REDIC1: variants seen among roughly 807,000 people sequenced by gnomAD.
REDIC1 encodes regulator of DNA class I crossover intermediates 1.
chr12:39,720,817 C>T, the REDIC1 span: 2 of 1,611,242 alleles, frequency 1.2e-6, no homozygotes, highest in East Asian at 4.5e-5. Context: ...AATATCACAG[C>T]AAATTGAAGA....
At chr12:39,626,371 A>G in the REDIC1 span, 1 of 1,614,122 alleles carries the variant, frequency 6.2e-7, no homozygotes, top group Non-Finnish European at 8.5e-7. Flanking sequence ...TAAGTTGTGC[A>G]GCTGGAGTTT....
the REDIC1 span, among the ~76,000 whole-genome samples, chr12:39,693,640 A>G: frequency 6.6e-6 from 1 of 152,092 alleles, no homozygotes; most frequent in Non-Finnish European, 1.5e-5. Context: ...CTTCATCCTT[A>G]TGACCATTTA....
chr12:39,875,380 G>T, the REDIC1 span, among the ~76,000 whole-genome samples: 2 of 152,136 alleles, frequency 1.3e-5, no homozygotes, highest in African/African-American at 4.8e-5. Flanking sequence ...TGCCTCCCTT[G>T]TGACTATATT....
the REDIC1 span, among the ~76,000 whole-genome samples, chr12:39,710,053 A>T: frequency 4.0e-5 from 6 of 151,870 alleles, no homozygotes; most frequent in Non-Finnish European, 7.4e-5. Flanking sequence ...TTTGATATAG[A>T]TCTTTTTAAA....
the REDIC1 span, among the ~76,000 whole-genome samples, chr12:39,832,053 T>G: frequency 6.6e-6 from 1 of 152,182 alleles, no homozygotes; most frequent in Non-Finnish European, 1.5e-5. Context: ...GTCACCCCTA[T>G]TTTTGAATGA....
At chr12:39,759,537 G>A in the REDIC1 span, 1 of 152,960 alleles carries the variant, frequency 6.5e-6, no homozygotes, top group African/African-American at 2.4e-5. Context: ...AATTTAGTTT[G>A]TAACAGCTGA....
chr12:39,772,042 G>A, the REDIC1 span, among the ~76,000 whole-genome samples: 4 of 151,986 alleles, frequency 2.6e-5, no homozygotes, highest in Non-Finnish European at 2.9e-5. Flanking sequence ...TCACCTGTCC[G>A]AGATATTCTC....
chr12:39,711,449 A>ATG, the REDIC1 span, among the ~76,000 whole-genome samples: 1 of 47,608 alleles, frequency 2.1e-5, no homozygotes, highest in Non-Finnish European at 6.6e-5. Context: ...GTGTGTACAT[A>ATG]TATACACATA....
chr12:39,896,405 CATAT>C, the REDIC1 span, among the ~76,000 whole-genome samples: 43 of 110,418 alleles, frequency 3.9e-4, 1 homozygote, highest in African/African-American at 1.3e-3. Flanking sequence ...TATATGTATA[CATAT>C]ATGTATGTAT....
the REDIC1 span, among the ~76,000 whole-genome samples, chr12:39,850,787 TA>T: frequency 1.3e-5 from 2 of 152,222 alleles, no homozygotes; most frequent in Non-Finnish European, 2.9e-5. Context: ...TTCAAATGTT[TA>T]TTATATCACA....
chr12:39,860,310 G>T, the REDIC1 span, among the ~76,000 whole-genome samples: 1 of 152,192 alleles, frequency 6.6e-6, no homozygotes, highest in South Asian at 2.1e-4. Context: ...TCTATGCTGG[G>T]ATTAAAAGCC....
chr12:39,703,955 C>T, the REDIC1 span, among the ~76,000 whole-genome samples: 3 of 152,236 alleles, frequency 2.0e-5, no homozygotes, highest in East Asian at 3.9e-4. Context: ...AAACGTTAGA[C>T]CTAAAACCAT....
the REDIC1 span, among the ~76,000 whole-genome samples, chr12:39,893,803 T>G: frequency 6.6e-6 from 1 of 152,258 alleles, no homozygotes; most frequent in African/African-American, 2.4e-5. Flanking sequence ...CAATTTACTT[T>G]AAGCCCACAA....
At chr12:39,760,128 T>C in the REDIC1 span, 3 of 1,613,018 alleles carry the variant, frequency 1.9e-6, no homozygotes, top group Admixed American at 3.3e-5. Context: ...AAGTGCCACA[T>C]GTACATAGCC....
chr12:39,682,865 G>A, the REDIC1 span: 6 of 1,612,560 alleles, frequency 3.7e-6, no homozygotes, highest in South Asian at 6.6e-5. Flanking sequence ...GATGAGCAAA[G>A]GATAAAGAAA....
chr12:39,654,330 G>C, the REDIC1 span, among the ~76,000 whole-genome samples: 1 of 151,924 alleles, frequency 6.6e-6, no homozygotes. Flanking sequence ...GCTCACGCCT[G>C]TAATCCCAGC....
chr12:39,712,744 TGTACAC>T, the REDIC1 span, among the ~76,000 whole-genome samples: 1 of 117,258 alleles, frequency 8.5e-6, no homozygotes, highest in African/African-American at 5.5e-5. Flanking sequence ...TATATAGACG[TGTACAC>T]ATATGTGTAT....
chr12:39,877,102 A>G, the REDIC1 span, among the ~76,000 whole-genome samples: 4 of 152,098 alleles, frequency 2.6e-5, no homozygotes. Context: ...AAATAATTAT[A>G]TTTTCCTATT....
chr12:39,739,750 A>G, the REDIC1 span, among the ~76,000 whole-genome samples: 707 of 152,264 alleles, frequency 4.6e-3, 3 homozygotes, highest in African/African-American at 0.016. Context: ...CTATATTCAC[A>G]TCTCGTAAAA....
Sources: allele counts gnomAD v4.1 joint callset (sites outside exome capture counted in the v4.1 genomes callset), GRCh38; gene constraint gnomAD v4.1.1; transcripts MANE v1.5; gene names NCBI Gene and HGNC (gene_info 2026-07-23, HGNC 2026-07-21).